The following PALM2AKAP2 variants were observed in gnomAD, a reference collection of about 807,000 sequenced individuals.
PALM2AKAP2 encodes PALM2 and AKAP2 fusion.
PALM2AKAP2 carries 37 observed loss-of-function variants against 71.5 expected under a neutral mutation model. That is an observed-to-expected ratio of 0.52 (90% confidence interval 0.40 to 0.68). The LOEUF is 0.68. Among genes scored for constraint, PALM2AKAP2 ranks in the 30% least tolerant of loss-of-function variants. PALM2AKAP2 has a pLI of 0.00. For missense variants in PALM2AKAP2, 1,224 were observed against 1,191.8 expected (o/e 1.03, Z -0.40); for synonymous variants, 468 against 478.8 (o/e 0.98, Z 0.29).
intron 1 of PALM2AKAP2, among the ~76,000 whole-genome samples, chr9:110,133,789 T>C (rs1835786515): frequency 6.6e-6 from 1 of 152,090 alleles, no homozygotes. Flanking sequence ...ATCTGACTCA[T>C]CTTAGCAGTA....
chr9:109,751,674 A>C (rs1476430044), intron 1 of PALM2AKAP2, among the ~76,000 whole-genome samples: 1 of 152,148 alleles, frequency 6.6e-6, no homozygotes, highest in East Asian at 1.9e-4. Flanking sequence ...AAAGAAGTTG[A>C]GTCAGTTCAT....
chr9:109,834,226 CA>C (rs1420018970), intron 1 of PALM2AKAP2, among the ~76,000 whole-genome samples: 4 of 152,110 alleles, frequency 2.6e-5, no homozygotes, highest in African/African-American at 7.2e-5. Flanking sequence ...CAAAACAAAA[CA>C]AAACAGAAAA....
chr9:110,078,750 T>A (rs1480936530), intron 1 of PALM2AKAP2, among the ~76,000 whole-genome samples: 1 of 152,244 alleles, frequency 6.6e-6, no homozygotes, highest in Non-Finnish European at 1.5e-5. Flanking sequence ...CAGTAATGGC[T>A]GAATAATTTG....
chr9:109,676,510 G>A lies in PALM2AKAP2; in HGVS notation c.5+35644G>A, dbSNP rs147314729. Among the ~76,000 whole-genome samples, 181 of 152,272 alleles carry A rather than the reference G, an allele frequency of 1.2e-3. 1 individual carries two copies. The highest frequency in any genetic ancestry group is 4.0e-3 in the African/African-American group (168 of 41,558). The stretch of plus-strand genomic sequence containing the variant: ...TTGAGGCACTTCACATTTTATCATC[G>A]TTGAGACTTTTCATATAGAATCAGG... On this transcript the variant is annotated intron_variant, in intron 1 of 6. Transcript: ENST00000374531.
At position 109,867,573 on chromosome 9, in the gene PALM2AKAP2, T is replaced by C. The variant is rs769428526; in HGVS notation, c.126+2T>C. ...ATACTTCTGCTGCAGCATTCCAAGGTAAGCAGCTGATCCCAGGAACCTATT... is the reference window on the plus strand; with the variant it reads ...ATACTTCTGCTGCAGCATTCCAAGGCAAGCAGCTGATCCCAGGAACCTATT... On this transcript the variant is annotated splice_donor_variant, in intron 2 of 9. Transcript: ENST00000302798. LOFTEE classifies it high-confidence loss of function. 1 of 1,612,278 alleles carries C rather than the reference T, an allele frequency of 6.2e-7. No homozygotes were observed. The highest frequency in any genetic ancestry group is 8.5e-7 in the Non-Finnish European group (1 of 1,179,594).
intron 6 of PALM2AKAP2, among the ~76,000 whole-genome samples, chr9:110,006,284 CCTTT>C (rs1335102060): frequency 3.3e-5 from 5 of 149,744 alleles, no homozygotes; most frequent in East Asian, 1.9e-4. Flanking sequence ...TCTCTCTCTT[CCTTT>C]CTTTCTTTCC....
chr9:109,883,456 G>T (rs1001459533), intron 3 of PALM2AKAP2, among the ~76,000 whole-genome samples: 1 of 152,184 alleles, frequency 6.6e-6, no homozygotes, highest in African/African-American at 2.4e-5. Context: ...GCTGCTTTCT[G>T]TAGGAGCAGG....
At chr9:110,075,340 A>G (rs915756918) in intron 1 of PALM2AKAP2, among the ~76,000 whole-genome samples, 1 of 152,236 alleles carries the variant, frequency 6.6e-6, no homozygotes, top group African/African-American at 2.4e-5. Context: ...CTAGTACATA[A>G]AATTGTTTGA....
chr9:109,678,126 T>C (rs1289632797), intron 1 of PALM2AKAP2, among the ~76,000 whole-genome samples: 1 of 152,148 alleles, frequency 6.6e-6, no homozygotes, highest in Non-Finnish European at 1.5e-5. Context: ...CTTTTCTTAG[T>C]AGTGAGGCTT....
intron 1 of PALM2AKAP2, among the ~76,000 whole-genome samples, chr9:109,686,891 T>C (rs2118533612): frequency 6.8e-6 from 1 of 146,636 alleles, no homozygotes; most frequent in Admixed American, 6.8e-5. Flanking sequence ...TGTGTTCTCA[T>C]TGTTCAATTC....
chr9:109,953,045 T>C (rs551296476), intron 6 of PALM2AKAP2, among the ~76,000 whole-genome samples: 3 of 152,346 alleles, frequency 2.0e-5, no homozygotes, highest in Admixed American at 2.0e-4. Context: ...AGAACTAGTA[T>C]AGAAAGGGAA....
At chr9:109,813,624 A>G (rs1564160653) in intron 1 of PALM2AKAP2, among the ~76,000 whole-genome samples, 1 of 152,006 alleles carries the variant, frequency 6.6e-6, no homozygotes, top group Non-Finnish European at 1.5e-5. Context: ...TTGAAGTAGA[A>G]CCTTGATGGC....
intron 6 of PALM2AKAP2, among the ~76,000 whole-genome samples, chr9:110,006,317 CTTCCTTCTCTTTCT>C (rs1219195941): frequency 2.4e-5 from 2 of 82,116 alleles, no homozygotes; most frequent in African/African-American, 9.6e-5. Context: ...CCTTTCCTTC[CTTCCTTCTCTTTCT>C]TTCTTTCTTT....
At chr9:110,090,086 T>A (rs1257573827) in intron 1 of PALM2AKAP2, 1 of 232,448 alleles carries the variant, frequency 4.3e-6, no homozygotes, top group Non-Finnish European at 8.8e-6. Flanking sequence ...ACTCGACTCC[T>A]GTTTCATTTG....
intron 1 of PALM2AKAP2, among the ~76,000 whole-genome samples, chr9:109,751,498 T>A (rs79561609): frequency 0.22 from 32,928 of 152,158 alleles, 3,817 homozygotes; most frequent in East Asian, 0.37. Flanking sequence ...AGCCATGCTG[T>A]GATTTGGCTA....
chr9:109,857,223 A>T (rs185803504), intron 1 of PALM2AKAP2, among the ~76,000 whole-genome samples: 2 of 152,196 alleles, frequency 1.3e-5, no homozygotes. Context: ...CATCTCCTCC[A>T]TTCTTGGTAA....
rs1444322103 is a variant in PALM2AKAP2, at chr9:109,959,475, T to C, written c.496+27447T>C. On this transcript the variant is annotated intron_variant, in intron 6 of 9. Coordinates refer to the PALM2AKAP2 transcript ENST00000302798. ...CTAGCCTATACAGTGAAACCCCGTCTCTACTAAAAATACAAAAAAACTAGC... is the reference window on the plus strand; with the variant it reads ...CTAGCCTATACAGTGAAACCCCGTCCCTACTAAAAATACAAAAAAACTAGC... 2.0e-5 allele frequency among the ~76,000 whole-genome samples: 3 copies of C among 151,952 alleles called. No homozygotes were observed. The East Asian group carries it at 5.8e-4, about 29-fold the overall frequency.
At chr9:109,923,492 A>G (rs1391969030) in intron 3 of PALM2AKAP2, among the ~76,000 whole-genome samples, 1 of 152,230 alleles carries the variant, frequency 6.6e-6, no homozygotes, top group Non-Finnish European at 1.5e-5. Context: ...AACATATTGC[A>G]TAGTGGTGGC....
intron 1 of PALM2AKAP2, among the ~76,000 whole-genome samples, chr9:110,119,340 TCA>T (rs537695933): frequency 0.18 from 15,327 of 84,554 alleles, 862 homozygotes; most frequent in African/African-American, 0.25. Context: ...AGACTCCATC[TCA>T]AAAAAAAAAA....
Sources: gnomAD v4.1 joint callset for allele counts (sites outside exome capture counted in the v4.1 genomes callset) on GRCh38, gnomAD v4.1.1 for gene constraint, MANE v1.5 for transcripts, NCBI Gene and HGNC (gene_info 2026-07-23, HGNC 2026-07-21) for gene names.